MLLT3: variants seen among roughly 807,000 people sequenced by gnomAD.
MLLT3 encodes protein AF-9.
Under a neutral mutation model 53.2 loss-of-function variants are expected in MLLT3, and 4 were observed. The ratio of observed to expected loss-of-function variants is 0.08; its 90% CI spans 0.04 to 0.17. The LOEUF (loss-of-function observed/expected upper bound fraction) is 0.17, where lower values mean the gene tolerates loss of function less well. MLLT3 is among the 10% of genes least tolerant of loss of function. MLLT3 has a pLI of 1.00. For synonymous variants in MLLT3, 283 were observed against 230.6 expected (o/e 1.23, Z -2.06); for missense variants, 569 against 684.0 (o/e 0.83, Z 1.87).
At chr9:20,481,683 A>G (rs1053517715) in intron 2 of MLLT3, among the ~76,000 whole-genome samples, 9 of 152,182 alleles carry the variant, frequency 5.9e-5, no homozygotes, top group African/African-American at 2.2e-4. Flanking sequence ...TACCATGCAG[A>G]TCCTTCAATC....
intron 5 of MLLT3, among the ~76,000 whole-genome samples, chr9:20,372,746 T>A (rs1821644670): frequency 6.6e-6 from 1 of 151,910 alleles, no homozygotes; most frequent in African/African-American, 2.4e-5. Context: ...CAGCCACTCA[T>A]ATCTTCAGCA....
chr9:20,469,850 C>T (rs1028985555), intron 2 of MLLT3, among the ~76,000 whole-genome samples: 1 of 151,948 alleles, frequency 6.6e-6, no homozygotes, highest in Non-Finnish European at 1.5e-5. Context: ...TCACAGGGAA[C>T]CATTCCTATT....
chr9:20,457,238 C>CTTTTTTTT (rs769037689), intron 2 of MLLT3, among the ~76,000 whole-genome samples: 4 of 63,734 alleles, frequency 6.3e-5, no homozygotes, highest in African/African-American at 2.4e-4. Context: ...ACAAGGACAT[C>CTTTTTTTT]TTTTTTTTTT....
intron 5 of MLLT3, among the ~76,000 whole-genome samples, chr9:20,367,539 C>T (rs186151536): frequency 1.6e-4 from 24 of 152,258 alleles, no homozygotes; most frequent in African/African-American, 5.8e-4. Context: ...CAGGTAAAGA[C>T]AGGCAATGCA....
intron 2 of MLLT3, among the ~76,000 whole-genome samples, chr9:20,520,173 G>A (rs909107039): frequency 3.3e-5 from 5 of 152,076 alleles, no homozygotes; most frequent in Admixed American, 2.0e-4. Context: ...ACATAGAGGG[G>A]AACAACACAC....
At chr9:20,583,231 C>T (rs1404765192) in intron 2 of MLLT3, among the ~76,000 whole-genome samples, 4 of 152,170 alleles carry the variant, frequency 2.6e-5, no homozygotes, top group African/African-American at 7.2e-5. Flanking sequence ...ACATAGAGAT[C>T]GTGCTGATAC....
At chr9:20,360,983 G>T in intron 7 of MLLT3, 142 bp from the exon 8 acceptor site, 1 of 693,596 alleles carries the variant, frequency 1.4e-6, no homozygotes, top group Non-Finnish European at 2.5e-6. Flanking sequence ...AACACATATT[G>T]GTGCTTACTT....
At chr9:20,572,305 C>T (rs761060628) in intron 2 of MLLT3, among the ~76,000 whole-genome samples, 15 of 151,912 alleles carry the variant, frequency 9.9e-5, no homozygotes, top group Non-Finnish European at 1.3e-4. Flanking sequence ...AAGCTGACCA[C>T]GGTTAATAAT....
intron 2 of MLLT3, among the ~76,000 whole-genome samples, chr9:20,547,158 G>T (rs979198832): frequency 2.6e-5 from 4 of 151,842 alleles, no homozygotes; most frequent in African/African-American, 9.7e-5. Flanking sequence ...ACTTTGTAGT[G>T]AATATTAAAA....
At chr9:20,508,420 C>T (rs1209448258) in intron 2 of MLLT3, among the ~76,000 whole-genome samples, 1 of 152,176 alleles carries the variant, frequency 6.6e-6, no homozygotes. Flanking sequence ...GGAGAGGACA[C>T]TACCGCAGTG....
At chr9:20,420,863 T>C (rs957155999) in intron 4 of MLLT3, among the ~76,000 whole-genome samples, 1 of 152,214 alleles carries the variant, frequency 6.6e-6, no homozygotes, top group Non-Finnish European at 1.5e-5. Flanking sequence ...AAGTTTTATA[T>C]GTATCCATAG....
intron 2 of MLLT3, among the ~76,000 whole-genome samples, chr9:20,593,320 G>A (rs1203576437): frequency 1.3e-5 from 2 of 152,126 alleles, no homozygotes; most frequent in African/African-American, 4.8e-5. Flanking sequence ...GTTATCCTGG[G>A]ACCTCGAGAG....
chr9:20,427,559 T>C (rs189876145), intron 4 of MLLT3, among the ~76,000 whole-genome samples: 17 of 152,054 alleles, frequency 1.1e-4, no homozygotes, highest in Middle Eastern at 3.4e-3. Context: ...TTTCCAAATA[T>C]GATCAAAGTC....
intron 2 of MLLT3, among the ~76,000 whole-genome samples, chr9:20,486,123 T>A (rs1174811429): frequency 6.6e-6 from 1 of 152,170 alleles, no homozygotes; most frequent in Non-Finnish European, 1.5e-5. Flanking sequence ...AGTCACATGA[T>A]AAACATTTTT....
At chr9:20,535,557 A>G (rs894058406) in intron 2 of MLLT3, among the ~76,000 whole-genome samples, 9 of 152,206 alleles carry the variant, frequency 5.9e-5, no homozygotes, top group African/African-American at 2.2e-4. Flanking sequence ...AAAATCAATC[A>G]TAAAATATTT....
intron 5 of MLLT3, among the ~76,000 whole-genome samples, chr9:20,372,554 A>ATTTTT (rs34889625): frequency 1.8e-4 from 15 of 82,224 alleles, no homozygotes; most frequent in Non-Finnish European, 2.7e-4. Flanking sequence ...CGCCCGGCTA[A>ATTTTT]TTTTTTTTTT....
At position 20,498,761 on chromosome 9, in the gene MLLT3, C is replaced by G. The variant is rs370359401; in HGVS notation, c.194-41975G>C. On this transcript the variant is annotated intron_variant, in intron 2 of 10. Transcript: ENST00000380338. ...GGACACCCCTGATCTGGATTCATGCCCTTGTCAGACATATGTTAACAAATA... is the reference window on the plus strand; with the variant it reads ...GGACACCCCTGATCTGGATTCATGCGCTTGTCAGACATATGTTAACAAATA... 2.8e-4 allele frequency among the ~76,000 whole-genome samples: 42 copies of G among 152,266 alleles called. No individual in the cohort carries two copies. In the South Asian group the frequency reaches 8.5e-3, roughly 31 times the overall value.
chr9:20,595,827 T>C (rs1820247408), intron 2 of MLLT3, among the ~76,000 whole-genome samples: 1 of 152,204 alleles, frequency 6.6e-6, no homozygotes, highest in Non-Finnish European at 1.5e-5. Context: ...GCACATATAC[T>C]ATCTGAATCC....
chr9:20,483,409 T>C (rs1824718262), intron 2 of MLLT3, among the ~76,000 whole-genome samples: 1 of 151,598 alleles, frequency 6.6e-6, no homozygotes, highest in South Asian at 2.1e-4. Context: ...GGCTATTTTT[T>C]TTTTTAACTT....
Sources: gnomAD v4.1 joint callset for allele counts (sites outside exome capture counted in the v4.1 genomes callset) on GRCh38, gnomAD v4.1.1 for gene constraint, MANE v1.5 for transcripts, NCBI Gene and HGNC (gene_info 2026-07-23, HGNC 2026-07-21) for gene names.